The following ASTN1 variants were observed in gnomAD, a reference collection of about 807,000 sequenced individuals.
ASTN1 encodes the protein astrotactin-1.
ASTN1 carries 41 observed loss-of-function variants against 140.7 expected under a neutral mutation model. The observed-to-expected ratio is 0.29, with a 90% confidence interval of 0.23 to 0.38. The LOEUF is 0.38. ASTN1 is among the 10% of genes least tolerant of loss of function. ASTN1 has a pLI of 1.00. For synonymous variants in ASTN1, 640 were observed against 652.2 expected, an observed-to-expected ratio of 0.98 and a Z score of 0.29; for missense variants, 1,479 against 1,678.8, an observed-to-expected ratio of 0.88 and a Z score of 2.08.
chr1:177,091,244 C>G (rs530593243), intron 1 of ASTN1, among the ~76,000 whole-genome samples: 1 of 152,288 alleles, frequency 6.6e-6, no homozygotes, highest in South Asian at 2.1e-4. Context: ...TAACTATACT[C>G]TATTAAATAT....
chr1:177,080,387 T>C, intron 1 of ASTN1, among the ~76,000 whole-genome samples: 1 of 152,174 alleles, frequency 6.6e-6, no homozygotes, highest in East Asian at 1.9e-4. Context: ...TTATGTCCTT[T>C]AGACCAATAC....
At chr1:177,007,681 T>C (rs1049200105) in intron 8 of ASTN1, among the ~76,000 whole-genome samples, 1 of 152,178 alleles carries the variant, frequency 6.6e-6, no homozygotes, top group Non-Finnish European at 1.5e-5. Flanking sequence ...AGCTGCTCTA[T>C]GAACCGGCAT....
At chr1:176,895,400 T>A (rs1183097962) in intron 16 of ASTN1, among the ~76,000 whole-genome samples, 1 of 152,226 alleles carries the variant, frequency 6.6e-6, no homozygotes, top group Admixed American at 6.5e-5. Flanking sequence ...ATCATTATAC[T>A]CAGTTTATAG....
At position 176,884,227 on chromosome 1, in the gene ASTN1, A is replaced by T. The variant is rs150404547; in HGVS notation, c.3226+112T>A. ...TTCTTCTTCTCCCTGCTCCTCCTGC[A>T]TTGCCCTGGGATACTGGGGACCTGG... On this transcript the variant is annotated intron_variant, in intron 19 of 22. Transcript: ENST00000361833. 1,621 of 1,254,852 alleles carry T rather than the reference A, an allele frequency of 1.3e-3. 11 individuals carry two copies. The African/African-American group carries it at 0.021, about 16-fold the overall frequency. The allele number at this position is 1,254,852 out of a possible 1,614,324, so 77.7% of individuals were successfully genotyped here.
intron 1 of ASTN1, among the ~76,000 whole-genome samples, chr1:177,113,381 A>T (rs752015190): frequency 6.6e-6 from 1 of 152,094 alleles, no homozygotes; most frequent in Non-Finnish European, 1.5e-5. Context: ...TGGAACCAGA[A>T]ATGTTTCAAA....
intron 22 of ASTN1, among the ~76,000 whole-genome samples, chr1:176,867,021 T>A (rs1315468442): frequency 6.6e-6 from 1 of 152,200 alleles, no homozygotes; most frequent in Non-Finnish European, 1.5e-5. Context: ...TATATAGCCA[T>A]GAAAGACTAG....
At chr1:176,980,095 A>C (rs1221809226) in intron 8 of ASTN1, among the ~76,000 whole-genome samples, 1 of 152,176 alleles carries the variant, frequency 6.6e-6, no homozygotes, top group Non-Finnish European at 1.5e-5. Context: ...ATGTGTAGGT[A>C]TGACCATAAA....
chr1:176,964,247 G>T (rs1571575682), intron 9 of ASTN1, among the ~76,000 whole-genome samples: 1 of 152,268 alleles, frequency 6.6e-6, no homozygotes, highest in East Asian at 1.9e-4. Context: ...TCTTCCATTT[G>T]TCCTACGCTG....
chr1:177,103,290 G>A (rs1425624700), intron 1 of ASTN1, among the ~76,000 whole-genome samples: 1 of 152,220 alleles, frequency 6.6e-6, no homozygotes, highest in Non-Finnish European at 1.5e-5. Flanking sequence ...TTTGGGGACT[G>A]AATAGATCTA....
intron 1 of ASTN1, among the ~76,000 whole-genome samples, chr1:177,095,564 A>G (rs1469258443): frequency 1.3e-5 from 2 of 152,182 alleles, no homozygotes; most frequent in African/African-American, 2.4e-5. Flanking sequence ...TCTGGAAGGT[A>G]CCAGTGGTAA....
chr1:176,881,871 C>T (rs1315742902), intron 20 of ASTN1, among the ~76,000 whole-genome samples: 1 of 152,206 alleles, frequency 6.6e-6, no homozygotes, highest in Non-Finnish European at 1.5e-5. Context: ...TCTCTGAACT[C>T]TTTAACTGTG....
At chr1:177,031,611 A>G (rs756834449) in intron 3 of ASTN1, among the ~76,000 whole-genome samples, 3 of 152,240 alleles carry the variant, frequency 2.0e-5, no homozygotes, top group Non-Finnish European at 4.4e-5. Context: ...GAGAACAAGC[A>G]GAATAAAAAC....
At chr1:177,062,455 G>A (rs1678146868) in intron 1 of ASTN1, among the ~76,000 whole-genome samples, 1 of 151,012 alleles carries the variant, frequency 6.6e-6, no homozygotes, top group East Asian at 1.9e-4. Context: ...ATGTTGCCCA[G>A]GCTGGTCTTG....
intron 7 of ASTN1, among the ~76,000 whole-genome samples, chr1:177,020,646 G>A (rs1423141327): frequency 6.6e-6 from 1 of 152,314 alleles, no homozygotes; most frequent in East Asian, 1.9e-4. Flanking sequence ...CCTTTGCCAT[G>A]TAACGTGACA....
chr1:177,020,476 C>G (rs546339411), intron 7 of ASTN1, among the ~76,000 whole-genome samples: 1 of 152,274 alleles, frequency 6.6e-6, no homozygotes, highest in South Asian at 2.1e-4. Flanking sequence ...CTTGAGTCCT[C>G]CTCACATCAC....
intron 8 of ASTN1, among the ~76,000 whole-genome samples, chr1:176,996,703 G>T (rs1336379501): frequency 4.6e-5 from 7 of 152,234 alleles, no homozygotes; most frequent in African/African-American, 1.7e-4. Context: ...GCACATCAGG[G>T]GTTGCTGGGA....
chr1:177,007,508 C>A (rs188734773), intron 8 of ASTN1, among the ~76,000 whole-genome samples: 1 of 152,174 alleles, frequency 6.6e-6, no homozygotes, highest in Non-Finnish European at 1.5e-5. Flanking sequence ...CTTCTCGAGG[C>A]GTCTGGAGAC....
chr1:176,914,510 GCATTAATTTA>G (rs1553226717), intron 16 of ASTN1, among the ~76,000 whole-genome samples: 1 of 152,158 alleles, frequency 6.6e-6, no homozygotes, highest in Non-Finnish European at 1.5e-5. Flanking sequence ...TAAAGAATAA[GCATTAATTTA>G]CATAAATAGG....
chr1:176,928,698 T>C (rs1671076660), intron 16 of ASTN1, among the ~76,000 whole-genome samples: 1 of 152,324 alleles, frequency 6.6e-6, no homozygotes, highest in African/African-American at 2.4e-5. Context: ...AGGGAAGTCT[T>C]AGTCCTGGAC....
Sources: gnomAD v4.1 joint callset for allele counts (sites outside exome capture counted in the v4.1 genomes callset) on GRCh38, gnomAD v4.1.1 for gene constraint, MANE v1.5 for transcripts, NCBI Gene and HGNC (gene_info 2026-07-23, HGNC 2026-07-21) for gene names.